Variants in NECAB3 observed in about 807,000 individuals in gnomAD.
NECAB3 encodes the protein N-terminal EF-hand calcium-binding protein 3.
NECAB3 carries 38 observed loss-of-function variants against 57.2 expected under a neutral mutation model. That is an observed-to-expected ratio of 0.66 (90% confidence interval 0.51 to 0.87). The LOEUF (loss-of-function observed/expected upper bound fraction) is 0.87, where lower values mean the gene tolerates loss of function less well. Ranked by LOEUF, NECAB3 falls within the 40% of genes least tolerant of loss-of-function variation. The pLI, the probability that NECAB3 is intolerant of heterozygous loss-of-function variation, is 0.00. For missense variants in NECAB3, 474 were observed against 527.5 expected, an observed-to-expected ratio of 0.90 and a Z score of 0.99; for synonymous variants, 223 against 222.6, an observed-to-expected ratio of 1.00 and a Z score of -0.02.
intron 10 of NECAB3, 84 bp downstream of exon 10, chr20:33,658,393 A>AGCGGGAG: frequency 7.2e-7 from 1 of 1,383,638 alleles, no homozygotes; most frequent in Non-Finnish European, 1.0e-6. Flanking sequence ...AGAGCCAGTG[A>AGCGGGAG]GCGGGAGAGC....
At chr20:33,674,192 A>G (rs1276399382) in intron 1 of NECAB3, 32 bp downstream of exon 1, 2 of 1,254,674 alleles carry the variant, frequency 1.6e-6, no homozygotes, top group South Asian at 7.5e-5. Context: ...TCGGGTAGGG[A>G]GACACCGCGA....
In NECAB3 at chr20:33,659,922, G is replaced by T; in HGVS notation, c.606C>A (p.Ser202Arg). The T allele has an allele frequency of 6.5e-7, 1 of 1,549,176 alleles. No individual in the cohort carries two copies. The change falls in exon 7 of 12, where the codon AGC becomes AGA. Residue 202 changes from serine (S) to arginine (R), a missense_variant. Ser to Arg is a moderately radical substitution (Grantham distance 110). Coordinates refer to ENST00000246190, the MANE Select transcript of NECAB3 (RefSeq NM_031232.4). ...RAGRRALRSV[S>R]RSSTWSPGSS... ...AGCCGGGGGACCAGGTGGATGACCGGCTGACACTCCTCAGGGCTCGGCGTC... is the reference window on the plus strand; with the variant it reads ...AGCCGGGGGACCAGGTGGATGACCGTCTGACACTCCTCAGGGCTCGGCGTC...
At chr20:33,673,857 TAG>T (rs1328938205) in intron 1 of NECAB3, among the ~76,000 whole-genome samples, 3 of 152,034 alleles carry the variant, frequency 2.0e-5, no homozygotes, top group African/African-American at 7.2e-5. Context: ...GGGGCGGCAC[TAG>T]AGTCAGGAGT....
At chr20:33,658,993 C>A (rs533971662) in intron 8 of NECAB3, among the ~76,000 whole-genome samples, 159 bp from the exon 9 acceptor site, 2 of 152,150 alleles carry the variant, frequency 1.3e-5, no homozygotes, top group South Asian at 4.1e-4. Context: ...TGTGGGATCA[C>A]GGCTTACTGC....
At chr20:33,663,772 T>G (rs2017568186) in intron 5 of NECAB3, 1 of 1,433,386 alleles carries the variant, frequency 7.0e-7, no homozygotes, top group African/African-American at 1.5e-5. Context: ...GCGGCTGCTC[T>G]CGCGCTTCCG....
intron 5 of NECAB3, chr20:33,664,137 A>G (rs1197615436): frequency 1.4e-5 from 6 of 435,824 alleles, no homozygotes; most frequent in Non-Finnish European, 1.2e-5. Context: ...CCAACACTCC[A>G]AATCCAGGTC....
rs551645512 is a variant in NECAB3 at position 33,668,248 on chromosome 20, T to TG, written c.387+1126dup. 1,108 of 1,551,988 alleles carry TG rather than the reference T, an allele frequency of 7.1e-4. 1 individual carries two copies. Among genetic ancestry groups the TG allele is most frequent in the South Asian group, 1.7e-3 (146 of 83,584 alleles). On this transcript the variant is annotated intron_variant, in intron 5 of 11. Coordinates refer to ENST00000246190, the MANE Select transcript of NECAB3 (RefSeq NM_031232.4). ...TGTGTTCAACTGAGTCAGGCTGGAC[T>TG]GGGGGGGGTGGCACTGCGTTGGGGG...
rs776158482 is a variant in NECAB3 at position 33,663,585 on chromosome 20, T to C, written c.388-3190A>G. ...ACAAGCGGCAGCCGCTGGCCAACGC[T>C]GGGCAACGGATTGACTACGCGTCCG... On this transcript the variant is annotated intron_variant, in intron 5 of 11. Coordinates refer to ENST00000246190, the MANE Select transcript of NECAB3 (RefSeq NM_031232.4). 1.1e-5 allele frequency: 17 copies of C among 1,611,394 alleles called. No homozygotes were observed. In the East Asian group the frequency reaches 1.3e-4, roughly 13 times the overall value.
intron 5 of NECAB3, chr20:33,662,381 A>G (rs866436221): frequency 1.3e-6 from 2 of 1,551,466 alleles, no homozygotes; most frequent in Middle Eastern, 3.3e-4. Context: ...GGACCAAAGC[A>G]CCCAAGCAGG....
In NECAB3 at chr20:33,657,806, C is replaced by T; in HGVS notation, c.*23G>A. 1 of 1,518,206 alleles carries T rather than the reference C, an allele frequency of 6.6e-7. No individual in the cohort carries two copies. Among genetic ancestry groups the T allele is most frequent in the Non-Finnish European group, 8.9e-7 (1 of 1,129,076 alleles). 94.0% of individuals were successfully genotyped at this position (1,518,206 alleles called of 1,614,324 possible). On this transcript the variant is annotated 3_prime_UTR_variant, in exon 12 of 12. Coordinates refer to ENST00000246190, the MANE Select transcript of NECAB3 (RefSeq NM_031232.4). ...GAGGGAGGCAGGCAGGGTCCCGGGG[C>T]CCTCGGCGTGTGCAGGTCTGGCTCA...
At chr20:33,663,848 G>A in intron 5 of NECAB3, 7 of 1,405,132 alleles carry the variant, frequency 5.0e-6, no homozygotes, top group Non-Finnish European at 6.4e-6. Context: ...CGGTGCCGCT[G>A]CCCTCGCCCG....
intron 5 of NECAB3, chr20:33,664,953 AAG>A (rs1186492201): frequency 6.6e-6 from 1 of 151,468 alleles, no homozygotes; most frequent in African/African-American, 2.5e-5. Flanking sequence ...TGGAGGCTGC[AAG>A]AGCTATAACA....
chr20:33,674,297 G>C lies in NECAB3; in HGVS notation c.56C>G (p.Pro19Arg), dbSNP rs1432458182. The C allele has an allele frequency of 8.2e-7, 1 of 1,224,920 alleles. No individual in the cohort carries two copies. The highest frequency in any genetic ancestry group is 1.6e-5 in the African/African-American group (1 of 63,984). The allele number at this position is 1,224,920 out of a possible 1,614,324, so 75.9% of individuals were successfully genotyped here. The change falls in exon 1 of 12, where the codon CCC (proline) becomes CGC (arginine). Residue 19 changes from proline (P) to arginine (R), a missense_variant. Coordinates refer to ENST00000246190, the MANE Select transcript of NECAB3 (RefSeq NM_031232.4). The part of the protein sequence containing the change: ...VCLLRPPAPQ[P>R]QPQTPRHPQL... ...GGGGTGCCGCGGGGTCTGGGGCTGGGGCTGGGGCGCGGGCGGCCGGAGCAG... is the reference window on the plus strand; with the variant it reads ...GGGGTGCCGCGGGGTCTGGGGCTGGCGCTGGGGCGCGGGCGGCCGGAGCAG...
chr20:33,665,881 G>A lies in NECAB3; in HGVS notation c.387+3494C>T, dbSNP rs186797729. ...GTGGATCACCTGAGGTCAGGAGTTC[G>A]AGACCAGCCTGGCCAACGTGGCGAA... On this transcript the variant is annotated intron_variant, in intron 5 of 11. Coordinates refer to ENST00000246190, the MANE Select transcript of NECAB3 (RefSeq NM_031232.4). Among the ~76,000 whole-genome samples the A allele has an allele frequency of 2.0e-4, 31 of 152,220 alleles. No individual in the cohort carries two copies. The East Asian group carries it at 3.5e-3, about 17-fold the overall frequency.
At chr20:33,664,057 C>T in intron 5 of NECAB3, 1 of 534,170 alleles carries the variant, frequency 1.9e-6, no homozygotes, top group Non-Finnish European at 3.1e-6. Context: ...TTTGCTTTCT[C>T]CTTCCTTGTG....
chr20:33,657,596 A>T lies in NECAB3; in HGVS notation c.*233T>A. On this transcript the variant is annotated 3_prime_UTR_variant, in exon 12 of 12. Coordinates refer to ENST00000246190, the MANE Select transcript of NECAB3 (RefSeq NM_031232.4). ...AATCCAGGTCTCCTGAGCCAGGCAG[A>T]AGCCAAAGTAGCTTGGAGGCTGAAG... The T allele has an allele frequency of 2.1e-6, 1 of 473,632 alleles. No individual in the cohort carries two copies. The highest frequency in any genetic ancestry group is 2.0e-5 in the African/African-American group (1 of 50,248). 29.3% of individuals were successfully genotyped at this position (473,632 alleles called of 1,614,324 possible). A position where few individuals can be genotyped will look rare whatever the true frequency, so the allele number is the denominator to read the frequency against.
chr20:33,670,861 G>A (rs1601175348), intron 2 of NECAB3, 69 bp from the exon 3 acceptor site: 1 of 1,159,072 alleles, frequency 8.6e-7, no homozygotes, highest in Admixed American at 2.0e-5. Flanking sequence ...CCTGCCACCA[G>A]GTCCAGGGTC....
At chr20:33,663,655 G>C in intron 5 of NECAB3, 3 of 1,595,162 alleles carry the variant, frequency 1.9e-6, no homozygotes, top group Non-Finnish European at 2.6e-6. Flanking sequence ...GCGCGGAGCG[G>C]GCGAAGGTAG....
At chr20:33,669,225 G>A (rs962540970) in intron 5 of NECAB3, 150 bp downstream of exon 5, 1 of 688,312 alleles carries the variant, frequency 1.5e-6, no homozygotes, top group Non-Finnish European at 2.5e-6. Context: ...GGCCCAGAGA[G>A]GTCAAGGGGC....
Sources: gnomAD v4.1 joint callset for allele counts (sites outside exome capture counted in the v4.1 genomes callset) on GRCh38, gnomAD v4.1.1 for gene constraint, MANE v1.5 for transcripts, NCBI Gene and HGNC (gene_info 2026-07-23, HGNC 2026-07-21) for gene names.